TBXAS1: variants seen among roughly 807,000 people sequenced by gnomAD.
The protein encoded by TBXAS1 is thromboxane A synthase 1.
A neutral mutation model predicts 60.7 loss-of-function variants in TBXAS1; 48 were observed. That is an observed-to-expected ratio of 0.79 (90% CI 0.63 to 1.01). TBXAS1 has a LOEUF of 1.01. Among genes scored for constraint, TBXAS1 ranks in the 50% least tolerant of loss-of-function variants. TBXAS1 has a pLI of 0.00. For missense variants in TBXAS1, 685 were observed against 686.3 expected, an observed-to-expected ratio of 1.00 and a Z score of 0.02; for synonymous variants, 287 against 269.7, an observed-to-expected ratio of 1.06 and a Z score of -0.63.
chr7:139,822,012 A>G (rs6974198), intron 4 of TBXAS1, among the ~76,000 whole-genome samples: 1 of 152,230 alleles, frequency 6.6e-6, no homozygotes, highest in Admixed American at 6.5e-5. Context: ...CCAGAGCTCC[A>G]CTAATCAGGC....
upstream of TBXAS1, among the ~76,000 whole-genome samples, chr7:139,824,829 C>CTTTTCTTTTTTT (rs1401847052): frequency 3.1e-4 from 12 of 38,862 alleles, 5 homozygotes; most frequent in African/African-American, 5.7e-4. Flanking sequence ...TTTTCCTTTT[C>CTTTTCTTTTTTT]TTTTTTTTTT....
chr7:139,794,496 C>G lies in TBXAS1; in HGVS notation c.-80+7070C>G, dbSNP rs190229537. Among the ~76,000 whole-genome samples, 74 of 151,524 alleles carry G rather than the reference C, an allele frequency of 4.9e-4. No individual in the cohort carries two copies. In the East Asian group the frequency reaches 0.011, roughly 23 times the overall value. On this transcript the variant is annotated intron_variant, in intron 4 of 16. Coordinates refer to the TBXAS1 transcript ENST00000336425. ...GAAGAACTTCCCTTTTCTAGCCAAT[C>G]TTCTGTCTTCTCCCTTTCTTTTTTT...
chr7:139,877,511 C>A (rs1802335991), intron 3 of TBXAS1, among the ~76,000 whole-genome samples: 1 of 139,286 alleles, frequency 7.2e-6, no homozygotes, highest in East Asian at 2.3e-4. Flanking sequence ...CAACCTCTGC[C>A]TCCTGAGCTC....
chr7:139,809,320 TTAGATAGATAGATAGATAGA>T (rs55917453), intron 4 of TBXAS1, among the ~76,000 whole-genome samples: 12 of 144,814 alleles, frequency 8.3e-5, no homozygotes, highest in East Asian at 4.1e-4. Flanking sequence ...CAATAGGAGA[TTAGATAGATAGATAGATAGA>T]TAGATAGATA....
rs566136692 is a variant in TBXAS1 at position 140,004,473 on chromosome 7, C to A, written c.1135-2618C>A. Among the ~76,000 whole-genome samples, 1 of 152,184 alleles carries A rather than the reference C, an allele frequency of 6.6e-6. No individual in the cohort carries two copies. On this transcript the variant is annotated intron_variant, in intron 9 of 12. Transcript: ENST00000448866. This position sits in a 1 kb window ranked among gnomAD's most constrained non-coding sequence, Gnocchi z 5.1. ...AGCGTTTAACTTATATGCAGAACCA[C>A]TGAAATTACACAATTGGTGTTTGTG...
At chr7:139,954,784 A>G (rs1291643048) in intron 6 of TBXAS1, among the ~76,000 whole-genome samples, 1 of 152,222 alleles carries the variant, frequency 6.6e-6, no homozygotes, top group Non-Finnish European at 1.5e-5. Context: ...CCTGCCAGAC[A>G]CTTTTCCTTC....
intron 11 of TBXAS1, among the ~76,000 whole-genome samples, chr7:140,016,199 G>C (rs988251323): frequency 6.6e-6 from 1 of 151,914 alleles, no homozygotes; most frequent in African/African-American, 2.4e-5. Context: ...GTGGTGGCGG[G>C]CGCCTGTAGT....
intron 9 of TBXAS1, among the ~76,000 whole-genome samples, chr7:140,000,697 T>C (rs1813607225): frequency 6.6e-6 from 1 of 152,228 alleles, no homozygotes; most frequent in Non-Finnish European, 1.5e-5. Context: ...TTTATTTCCA[T>C]GTTTCCCAAT....
intron 10 of TBXAS1, among the ~76,000 whole-genome samples, chr7:140,007,840 C>T (rs1325058118): frequency 6.6e-6 from 1 of 152,200 alleles, no homozygotes; most frequent in Non-Finnish European, 1.5e-5. Context: ...ATATCTGCCA[C>T]TCCATGACAT....
At chr7:139,962,360 G>A in intron 9 of TBXAS1, 127 bp downstream of exon 9, 1 of 1,198,694 alleles carries the variant, frequency 8.3e-7, no homozygotes, top group Non-Finnish European at 1.2e-6. Flanking sequence ...GATGAAATAG[G>A]GTCATTGCTT....
Position 140,015,781 on chromosome 7 carries a change from G to T in TBXAS1, c.1285G>T (p.Ala429Ser). Residue 429 changes from alanine to serine, a missense_variant, in exon 11 of 13, where the codon GCT (alanine) becomes TCT (serine). By Grantham distance (99) the Ala-to-Ser change is moderately conservative. Transcript: ENST00000448866. Reference sequence around the variant, plus strand: ...GCTGGGGCAGCGCATCCCCGCAGGCGCTGTGCTAGAGATGGCCGTGGGTGC... The same window carrying T: ...GCTGGGGCAGCGCATCCCCGCAGGCTCTGTGCTAGAGATGGCCGTGGGTGC... ...EVLGQRIPAG[A>S]VLEMAVGALH... The T allele has an allele frequency of 6.2e-7, 1 of 1,613,586 alleles. No homozygotes were observed. The highest frequency in any genetic ancestry group is 8.5e-7 in the Non-Finnish European group (1 of 1,180,022).
intron 9 of TBXAS1, among the ~76,000 whole-genome samples, chr7:139,980,264 G>A (rs1260991498): frequency 2.6e-5 from 4 of 152,108 alleles, no homozygotes; most frequent in Non-Finnish European, 2.9e-5. Context: ...TAGAAGAAGG[G>A]ATGAAACATC....
chr7:139,938,394 T>C (rs536237337), intron 5 of TBXAS1, among the ~76,000 whole-genome samples: 1 of 152,304 alleles, frequency 6.6e-6, no homozygotes, highest in African/African-American at 2.4e-5. Context: ...CAGGTGATTG[T>C]CACGTAAAGC....
intron 7 of TBXAS1, among the ~76,000 whole-genome samples, chr7:139,957,099 C>T (rs948718850): frequency 2.0e-5 from 3 of 152,188 alleles, no homozygotes; most frequent in African/African-American, 7.2e-5. Flanking sequence ...ACCCAGGGGC[C>T]GGCAAGGGAG....
At position 139,913,291 on chromosome 7, in the gene TBXAS1, T is replaced by C. The variant is rs6464449; in HGVS notation, c.333+1970T>C. The C allele has an allele frequency of 4.9e-6, 3 of 612,700 alleles. No individual in the cohort carries two copies. The African/African-American group carries it at 5.5e-5, about 11-fold the overall frequency. 38.0% of individuals were successfully genotyped at this position (612,700 alleles called of 1,614,324 possible). A position where few individuals can be genotyped will look rare whatever the true frequency, so the allele number is the denominator to read the frequency against. On this transcript the variant is annotated intron_variant, in intron 4 of 12. Transcript: ENST00000448866. ...TCTGTCAAGAAACTGATTCTGATTATTAAATGCAGCTGTAGCTTGTTGCTC... is the reference window on the plus strand; with the variant it reads ...TCTGTCAAGAAACTGATTCTGATTACTAAATGCAGCTGTAGCTTGTTGCTC...
At chr7:139,806,645 C>T (rs958462429) in intron 4 of TBXAS1, among the ~76,000 whole-genome samples, 2 of 152,086 alleles carry the variant, frequency 1.3e-5, no homozygotes, top group East Asian at 1.9e-4. Context: ...CCAGGTCTCT[C>T]CCTCTGCCCT....
chr7:139,781,825 T>C (rs1303850220), intron 2 of TBXAS1, among the ~76,000 whole-genome samples: 1 of 74,846 alleles, frequency 1.3e-5, no homozygotes, highest in African/African-American at 6.3e-5. Flanking sequence ...CAACAAGAGC[T>C]AAATTCCATC....
chr7:139,905,430 G>A (rs528207260), intron 3 of TBXAS1, among the ~76,000 whole-genome samples: 21 of 152,164 alleles, frequency 1.4e-4, no homozygotes, highest in Admixed American at 7.9e-4. Flanking sequence ...ATTGACTTGC[G>A]TATATTAAAC....
chr7:139,871,916 T>G (rs1401964459), intron 1 of TBXAS1, among the ~76,000 whole-genome samples: 2 of 152,012 alleles, frequency 1.3e-5, no homozygotes, highest in African/African-American at 4.8e-5. Flanking sequence ...TTGGAGAGAG[T>G]GGCATTTTTA....
Sources: gnomAD v4.1 joint callset for allele counts (sites outside exome capture counted in the v4.1 genomes callset) on GRCh38, gnomAD v4.1.1 for gene constraint, Gnocchi (gnomAD v3.1) non-coding constraint, MANE v1.5 for transcripts, NCBI Gene and HGNC (gene_info 2026-07-23, HGNC 2026-07-21) for gene names.